LAMA1: variants seen among roughly 807,000 people sequenced by gnomAD.
LAMA1 encodes the protein laminin subunit alpha 1.
A neutral mutation model predicts 348.7 loss-of-function variants in LAMA1; 219 were observed. That is an observed-to-expected ratio of 0.63 (90% CI 0.56 to 0.70). The LOEUF is 0.70. Ranked by LOEUF, LAMA1 falls within the 30% of genes least tolerant of loss-of-function variation. The probability of loss-of-function intolerance (pLI) is 0.00; values close to 1 mark genes in which losing one functional copy is unlikely to be tolerated. For synonymous variants in LAMA1, 1,487 were observed against 1,491.0 expected (o/e 1.00, Z 0.06); for missense variants, 3,744 against 3,888.0 (o/e 0.96, Z 0.99).
In LAMA1 at chr18:7,055,453, CAAAAAAAAA is replaced by C. The variant is rs57670126; in HGVS notation, c.346-4526_346-4518del. On this transcript the variant is annotated intron_variant, in intron 3 of 62. Transcript: ENST00000389658. ...TGGGTGACAGAGTGAAACTCCGTCTCAAAAAAAAAAAAAAAAAAAAAAAATTTACCCACG... is the reference window on the plus strand; with the variant it reads ...TGGGTGACAGAGTGAAACTCCGTCTCAAAAAAAAAAAAAAATTTACCCACG... Among the ~76,000 whole-genome samples, 214 of 61,780 alleles carry C rather than the reference CAAAAAAAAA, an allele frequency of 3.5e-3. 1 individual carries two copies. Among genetic ancestry groups the C allele is most frequent in the African/African-American group, 0.012 (208 of 17,640 alleles). The allele number at this position is 61,780 out of a possible 152,430, so 40.5% of individuals were successfully genotyped here.
intron 16 of LAMA1, among the ~76,000 whole-genome samples, chr18:7,026,975 C>T (rs2057946557): frequency 6.7e-6 from 1 of 148,368 alleles, no homozygotes; most frequent in African/African-American, 2.5e-5. Flanking sequence ...GACAGCGAGA[C>T]TCCGTCTCAA....
At chr18:7,107,542 C>T (rs1322910413) in intron 1 of LAMA1, among the ~76,000 whole-genome samples, 1 of 152,148 alleles carries the variant, frequency 6.6e-6, no homozygotes, top group African/African-American at 2.4e-5. Flanking sequence ...GCTCTCCAGA[C>T]ACACTACCTT....
chr18:7,084,848 T>C (rs1256060629), intron 1 of LAMA1, among the ~76,000 whole-genome samples: 1 of 152,200 alleles, frequency 6.6e-6, no homozygotes, highest in African/African-American at 2.4e-5. Context: ...TTAGAGGTTT[T>C]TGGATTTCTT....
chr18:6,966,099 C>T (rs2057631732), intron 49 of LAMA1, 48 bp downstream of exon 49: 1 of 1,602,548 alleles, frequency 6.2e-7, no homozygotes, highest in East Asian at 2.2e-5. Context: ...ACATAGCAAT[C>T]TAAATGTGTG....
At chr18:7,064,403 A>G (rs147213104) in intron 3 of LAMA1, among the ~76,000 whole-genome samples, 5 of 152,272 alleles carry the variant, frequency 3.3e-5, no homozygotes, top group Non-Finnish European at 7.4e-5. Flanking sequence ...ATAGAAACCA[A>G]TTAAGTCAGT....
At chr18:7,096,890 T>C (rs982733636) in intron 1 of LAMA1, among the ~76,000 whole-genome samples, 1 of 152,214 alleles carries the variant, frequency 6.6e-6, no homozygotes, top group African/African-American at 2.4e-5. Context: ...TTGGGTAAGA[T>C]GCGTGGAAGA....
intron 1 of LAMA1, among the ~76,000 whole-genome samples, chr18:7,083,828 C>T (rs961563076): frequency 2.0e-5 from 3 of 151,776 alleles, no homozygotes; most frequent in Non-Finnish European, 2.9e-5. Flanking sequence ...CCCAGCACTT[C>T]GGGAGGCCGA....
chr18:7,110,919 A>G (rs571880096), intron 1 of LAMA1, among the ~76,000 whole-genome samples: 2 of 137,726 alleles, frequency 1.5e-5, no homozygotes, highest in Non-Finnish European at 1.6e-5. Flanking sequence ...GTTCTCTTTT[A>G]ACTAAAAATC....
intron 61 of LAMA1, among the ~76,000 whole-genome samples, chr18:6,946,198 G>A (rs1269648917): frequency 2.6e-5 from 4 of 151,990 alleles, no homozygotes; most frequent in South Asian, 2.1e-4. Flanking sequence ...AAAAGGGAAC[G>A]GACTGTTGAT....
chr18:6,949,493 C>T (rs536660785), intron 58 of LAMA1, among the ~76,000 whole-genome samples: 2 of 152,184 alleles, frequency 1.3e-5, no homozygotes, highest in South Asian at 4.1e-4. Context: ...TGAAAGAAAT[C>T]TGACATAGAA....
rs1437159881 is a variant in LAMA1 at position 6,965,435 on chromosome 18, G to A, written c.7051-3C>T. On this transcript the variant is annotated splice_region_variant and splice_polypyrimidine_tract_variant and intron_variant, in intron 49 of 62. Transcript: ENST00000389658. The stretch of plus-strand genomic sequence containing the variant: ...AGCTCGATGGATAAAAAGTCTTTCT[G>A]TAAAAAAGAGAACACAGTTCCCCAG... The A allele has an allele frequency of 6.2e-7, 1 of 1,614,126 alleles. No individual in the cohort carries two copies. Among genetic ancestry groups the A allele is most frequent in the Non-Finnish European group, 8.5e-7 (1 of 1,179,986 alleles).
chr18:7,068,091 A>G (rs58428795), intron 3 of LAMA1, among the ~76,000 whole-genome samples: 23,149 of 152,074 alleles, frequency 0.15, 5,829 homozygotes, highest in African/African-American at 0.52. Context: ...GACCTCAGGT[A>G]ATCCACCTGC....
chr18:7,085,034 GAAAA>G lies in LAMA1; in HGVS notation c.62-4581_62-4578del, dbSNP rs946638586. On this transcript the variant is annotated intron_variant, in intron 1 of 62. Transcript: ENST00000389658. ...AGTATGAGGTTTTTTTTCCATTTTG[GAAAA>G]AAAAAAGTTTCTGAGTTCTAGAAAA... is the stretch of plus-strand genomic sequence containing the variant. Among the ~76,000 whole-genome samples the G allele has an allele frequency of 5.4e-5, 8 of 147,072 alleles. 1 individual carries two copies. Among genetic ancestry groups the G allele is most frequent in the African/African-American group, 2.0e-4 (8 of 40,164 alleles).
chr18:7,060,976 C>T lies in LAMA1; in HGVS notation c.346-10040G>A, dbSNP rs2143746525. On this transcript the variant is annotated intron_variant, in intron 3 of 62. Coordinates refer to ENST00000389658, the MANE Select transcript of LAMA1 (RefSeq NM_005559.4). Reference sequence around the variant, plus strand: ...TTTGAGACCAGCCTGGGCAACACGGCAAAACCTCATCTCTGCAAAAACTAC... The same window carrying T: ...TTTGAGACCAGCCTGGGCAACACGGTAAAACCTCATCTCTGCAAAAACTAC... 1.3e-5 allele frequency among the ~76,000 whole-genome samples: 2 copies of T among 152,184 alleles called. 1 individual carries two copies. Among genetic ancestry groups the T allele is most frequent in the South Asian group, 4.1e-4 (2 of 4,822 alleles).
At chr18:7,049,582 A>G (rs1435335530) in intron 4 of LAMA1, among the ~76,000 whole-genome samples, 2 of 152,224 alleles carry the variant, frequency 1.3e-5, no homozygotes, top group African/African-American at 4.8e-5. Context: ...TATAGGCATG[A>G]GCCACCATAC....
chr18:7,029,861 C>G (rs1016579126), intron 16 of LAMA1, among the ~76,000 whole-genome samples: 1 of 151,856 alleles, frequency 6.6e-6, no homozygotes, highest in Non-Finnish European at 1.5e-5. Context: ...AACCTCATCT[C>G]TAATGAACTG....
chr18:6,972,755 T>A (rs939550552), intron 47 of LAMA1, among the ~76,000 whole-genome samples: 14 of 152,212 alleles, frequency 9.2e-5, no homozygotes, highest in African/African-American at 3.4e-4. Context: ...AATGGCGCGA[T>A]CTCAGCTCAC....
intron 1 of LAMA1, among the ~76,000 whole-genome samples, 193 bp from the exon 2 acceptor site, chr18:7,080,650 C>T (rs1480505697): frequency 2.0e-5 from 3 of 152,160 alleles, no homozygotes; most frequent in Non-Finnish European, 4.4e-5. Flanking sequence ...AATTCATCTA[C>T]GGAGAAAAGT....
At chr18:7,036,381 AAT>A (rs2057994938) in intron 12 of LAMA1, among the ~76,000 whole-genome samples, 1 of 152,246 alleles carries the variant, frequency 6.6e-6, no homozygotes, top group South Asian at 2.1e-4. Flanking sequence ...TTAATCACAC[AAT>A]AGATATTTAC....
Sources: allele counts gnomAD v4.1 joint callset (sites outside exome capture counted in the v4.1 genomes callset), GRCh38; gene constraint gnomAD v4.1.1; transcripts MANE v1.5; gene names NCBI Gene and HGNC (gene_info 2026-07-23, HGNC 2026-07-21).